Variants in COL28A1 observed in about 807,000 individuals in gnomAD.
The protein encoded by COL28A1 is collagen alpha-1(XXVIII) chain.
COL28A1 carries 161 observed loss-of-function variants against 150.2 expected under a neutral mutation model. The ratio of observed to expected loss-of-function variants is 1.07; its 90% CI spans 0.94 to 1.22. The LOEUF (loss-of-function observed/expected upper bound fraction) is 1.22, where lower values mean the gene tolerates loss of function less well. Ranked by LOEUF, COL28A1 falls within the 50% of genes most tolerant of loss-of-function variation. COL28A1 has a pLI of 0.00. For missense variants in COL28A1, 1,617 were observed against 1,388.3 expected (o/e 1.16, Z -2.62); for synonymous variants, 552 against 469.7 (o/e 1.18, Z -2.26).
chr7:7,414,620 C>T (rs767761753), intron 27 of COL28A1, among the ~76,000 whole-genome samples: 3 of 152,160 alleles, frequency 2.0e-5, no homozygotes, highest in Non-Finnish European at 2.9e-5. Flanking sequence ...GAAAGAAGTT[C>T]CCAGAAGATC....
chr7:7,536,469 C>T (rs951739620), upstream of COL28A1, among the ~76,000 whole-genome samples: 3 of 152,066 alleles, frequency 2.0e-5, no homozygotes, highest in Non-Finnish European at 2.9e-5. Flanking sequence ...CGAACTGTAA[C>T]ATGAGAGGTT....
intron 19 of COL28A1, 53 bp from the exon 20 acceptor site, chr7:7,443,706 C>G (rs1444971882): frequency 6.2e-7 from 1 of 1,606,092 alleles, no homozygotes; most frequent in East Asian, 2.2e-5. Flanking sequence ...ACAGACTGTA[C>G]GTATCATCCC....
At chr7:7,493,537 C>G in intron 11 of COL28A1, among the ~76,000 whole-genome samples, 1 of 152,086 alleles carries the variant, frequency 6.6e-6, no homozygotes, top group Middle Eastern at 3.2e-3. Context: ...TCTCCTTTAC[C>G]TGAACACAGC....
At chr7:7,396,284 T>C (rs73047856) in intron 27 of COL28A1, among the ~76,000 whole-genome samples, 4,526 of 152,280 alleles carry the variant, frequency 0.03, 108 homozygotes, top group Non-Finnish European at 0.047. Context: ...GTGCAAAGAA[T>C]TGAGCTCATA....
the COL28A1 span, among the ~76,000 whole-genome samples, chr7:7,542,732 T>G: frequency 6.6e-6 from 1 of 152,184 alleles, no homozygotes; most frequent in Non-Finnish European, 1.5e-5. Flanking sequence ...CACACTTTCA[T>G]GCTAGGAAAA....
chr7:7,365,700 G>C (rs2128280570), intron 33 of COL28A1, among the ~76,000 whole-genome samples: 1 of 152,294 alleles, frequency 6.6e-6, no homozygotes, highest in South Asian at 2.1e-4. Context: ...GAATGCTAAT[G>C]ATCATCTGCA....
chr7:7,339,984 T>C, the COL28A1 span, among the ~76,000 whole-genome samples: 1 of 152,072 alleles, frequency 6.6e-6, no homozygotes, highest in South Asian at 2.1e-4. Flanking sequence ...GTCCTTACAT[T>C]ATTGTTTTTG....
At chr7:7,529,800 G>A (rs1782245172) in intron 3 of COL28A1, among the ~76,000 whole-genome samples, 1 of 152,228 alleles carries the variant, frequency 6.6e-6, no homozygotes. Flanking sequence ...ACACGGGCTG[G>A]AGCCCTCTGT....
chr7:7,436,448 G>A lies in COL28A1; in HGVS notation c.1807C>T (p.Pro603Ser). The change falls in exon 23 of 35, where the codon CCT (proline) becomes TCT (serine). Residue 603 changes from proline (P) to serine (S), a missense_variant. Physicochemically the swap from Pro to Ser is moderately conservative, Grantham distance 74 (BLOSUM62 -1). Coordinates refer to ENST00000399429, the MANE Select transcript of COL28A1 (RefSeq NM_001037763.3). ...TCTCCCTTAAATCCAGGTATCCCAG[G>A]TCCTCCTCTATCTCCCTGTACATTT... ...PPGPKGDRGG[P>S]GIPGFKGEPG... is the part of the protein sequence containing the mutation. 1 of 1,388,378 alleles carries A rather than the reference G, an allele frequency of 7.2e-7. No homozygotes were observed. Among genetic ancestry groups the A allele is most frequent in the Non-Finnish European group, 1.0e-6 (1 of 974,086 alleles). 86.0% of individuals were successfully genotyped at this position (1,388,378 alleles called of 1,614,324 possible). A position where few individuals can be genotyped will look rare whatever the true frequency, so the allele number is the denominator to read the frequency against.
chr7:7,494,231 T>A (rs1282469269), intron 11 of COL28A1, among the ~76,000 whole-genome samples: 10 of 152,200 alleles, frequency 6.6e-5, no homozygotes, highest in African/African-American at 2.2e-4. Context: ...CATTTAATCT[T>A]CTAACAATCA....
intron 33 of COL28A1, among the ~76,000 whole-genome samples, chr7:7,365,062 T>A (rs1002476666): frequency 4.6e-5 from 7 of 152,160 alleles, no homozygotes; most frequent in Non-Finnish European, 7.4e-5. Context: ...AAAAGTTGGA[T>A]TTAACCAACA....
At chr7:7,445,476 G>A (rs1786181637) in intron 18 of COL28A1, among the ~76,000 whole-genome samples, 1 of 152,184 alleles carries the variant, frequency 6.6e-6, no homozygotes, top group Non-Finnish European at 1.5e-5. Context: ...AATTTCTGTT[G>A]TATTAAGGCA....
chr7:7,448,778 GA>G (rs1372913047), intron 18 of COL28A1, among the ~76,000 whole-genome samples: 1 of 151,866 alleles, frequency 6.6e-6, no homozygotes, highest in East Asian at 1.9e-4. Context: ...CAATACAAAG[GA>G]ATGAACTGTT....
chr7:7,456,841 G>A (rs1160100090), intron 15 of COL28A1, among the ~76,000 whole-genome samples: 1 of 152,168 alleles, frequency 6.6e-6, no homozygotes, highest in East Asian at 1.9e-4. Context: ...AAAATAACTA[G>A]TATGTTGAAT....
chr7:7,400,607 C>G (rs1377796483), intron 27 of COL28A1, among the ~76,000 whole-genome samples: 1 of 152,020 alleles, frequency 6.6e-6, no homozygotes, highest in Non-Finnish European at 1.5e-5. Flanking sequence ...CCTAGCAACT[C>G]CTTCCTCTTT....
At chr7:7,438,455 G>A (rs979139056) in intron 21 of COL28A1, among the ~76,000 whole-genome samples, 1 of 152,170 alleles carries the variant, frequency 6.6e-6, no homozygotes, top group African/African-American at 2.4e-5. Flanking sequence ...GTAATGCACA[G>A]TTCTGGGTTC....
At chr7:7,343,567 C>T in the COL28A1 span, among the ~76,000 whole-genome samples, 5 of 152,112 alleles carry the variant, frequency 3.3e-5, no homozygotes, top group Admixed American at 1.3e-4. Context: ...ACTTCAAGTA[C>T]GTAGTTTATA....
chr7:7,540,478 T>C (rs1177214838), upstream of COL28A1, among the ~76,000 whole-genome samples: 1 of 152,184 alleles, frequency 6.6e-6, no homozygotes, highest in Admixed American at 6.5e-5. Context: ...ATTCTGCCAT[T>C]TCACAGTTGA....
chr7:7,349,829 A>G, the COL28A1 span, among the ~76,000 whole-genome samples: 1 of 152,156 alleles, frequency 6.6e-6, no homozygotes, highest in African/African-American at 2.4e-5. Context: ...AAGGAAGTAA[A>G]GAAGAGAAAG....
Sources: gnomAD v4.1 joint callset for allele counts (sites outside exome capture counted in the v4.1 genomes callset) on GRCh38, gnomAD v4.1.1 for gene constraint, MANE v1.5 for transcripts, NCBI Gene and HGNC (gene_info 2026-07-23, HGNC 2026-07-21) for gene names.